ERAP1: variants seen among roughly 807,000 people sequenced by gnomAD.
ERAP1 encodes the protein adipocyte-derived leucine aminopeptidase.
In ERAP1, 86 loss-of-function variants were observed where a neutral mutation model predicts 103.7. The observed-to-expected ratio is 0.83, with a 90% CI of 0.70 to 0.99. The LOEUF (loss-of-function observed/expected upper bound fraction) is 0.99. Among genes scored for constraint, ERAP1 ranks in the 50% least tolerant of loss-of-function variants. The probability of loss-of-function intolerance (pLI) is 0.00; values close to 1 mark genes in which losing one functional copy is unlikely to be tolerated. For synonymous variants in ERAP1, 398 were observed against 402.4 expected (o/e 0.99, Z 0.13); for missense variants, 1,009 against 1,128.4 (o/e 0.89, Z 1.52).
the ERAP1 span, chr5:96,902,325 C>T: frequency 6.2e-7 from 1 of 1,611,126 alleles, no homozygotes; most frequent in East Asian, 2.2e-5. Flanking sequence ...CTAATGTGAT[C>T]CACAGACACA....
chr5:96,882,130 T>C, the ERAP1 span, among the ~76,000 whole-genome samples: 1 of 152,202 alleles, frequency 6.6e-6, no homozygotes, highest in Non-Finnish European at 1.5e-5. Context: ...TTCCCCTCAT[T>C]GCAGCCACAA....
the ERAP1 span, among the ~76,000 whole-genome samples, chr5:96,825,897 G>A: frequency 6.6e-6 from 1 of 152,076 alleles, no homozygotes; most frequent in East Asian, 1.9e-4. Flanking sequence ...ATGAAATATT[G>A]TGGTTAGCTA....
At chr5:96,882,585 A>T in the ERAP1 span, among the ~76,000 whole-genome samples, 11 of 152,358 alleles carry the variant, frequency 7.2e-5, no homozygotes, top group Admixed American at 6.5e-4. Context: ...CACACTTTGC[A>T]TGTAGAGTTC....
chr5:96,854,771 G>C, the ERAP1 span, among the ~76,000 whole-genome samples: 1 of 152,088 alleles, frequency 6.6e-6, no homozygotes, highest in African/African-American at 2.4e-5. Context: ...TTTTACCATG[G>C]AGTCATGCTT....
At chr5:96,849,121 TCTC>T in the ERAP1 span, among the ~76,000 whole-genome samples, 1 of 151,986 alleles carries the variant, frequency 6.6e-6, no homozygotes, top group Non-Finnish European at 1.5e-5. Context: ...TCAAAGAAAT[TCTC>T]CTCAACACAA....
chr5:96,767,117 C>G lies in ERAP1; in HGVS notation c.2819-3889G>C, dbSNP rs140490644. Among the ~76,000 whole-genome samples, 605 of 152,262 alleles carry G rather than the reference C, an allele frequency of 4.0e-3. 13 individuals are homozygous for G. Among genetic ancestry groups the G allele is most frequent in the South Asian group, 0.024 (118 of 4,828 alleles). ...AGCTATAGTAAATAAGATGTAAAAACACAAGTAACTTTTTATAACACTTTA... is the reference window on the plus strand; with the variant it reads ...AGCTATAGTAAATAAGATGTAAAAAGACAAGTAACTTTTTATAACACTTTA... On this transcript the variant is annotated intron_variant, in intron 19 of 19. Transcript: ENST00000296754.
chr5:96,762,728 C>T (rs1768433668), exon 20 of ERAP1: 3 of 252,856 alleles, frequency 1.2e-5, no homozygotes, highest in Non-Finnish European at 2.3e-5. Flanking sequence ...TATATTTTTT[C>T]TTATACATTC....
chr5:96,785,480 G>C (rs13185488), intron 13 of ERAP1: 5 of 388,650 alleles, frequency 1.3e-5, no homozygotes, highest in Admixed American at 1.1e-4. Context: ...GGACCATGCC[G>C]CGGGGACAAG....
Position 96,765,303 on chromosome 5 carries a change from A to C in ERAP1, c.2819-2075T>G, listed in dbSNP as rs541132407. On this transcript the variant is annotated intron_variant, in intron 19 of 19. Coordinates refer to the ERAP1 transcript ENST00000296754. ...AGGCAGCCTGACCCAGATGAGAACA[A>C]ACCAATGGAAGATAAAGTAAAGGTA... is the stretch of plus-strand genomic sequence containing the variant. The C allele has an allele frequency of 6.5e-6, 10 of 1,535,102 alleles. No homozygotes were observed. Among genetic ancestry groups the C allele is most frequent in the African/African-American group, 5.6e-5 (4 of 71,954 alleles).
At chr5:96,929,338 C>T in the ERAP1 span, among the ~76,000 whole-genome samples, 5 of 152,354 alleles carry the variant, frequency 3.3e-5, no homozygotes, top group African/African-American at 7.2e-5. Flanking sequence ...GCAGACCCGA[C>T]GGATTTGCCA....
the ERAP1 span, among the ~76,000 whole-genome samples, chr5:96,830,311 G>A: frequency 6.6e-6 from 1 of 152,186 alleles, no homozygotes; most frequent in African/African-American, 2.4e-5. Context: ...CTCTTTGGAG[G>A]AAAATAATAC....
At chr5:96,866,905 T>A in the ERAP1 span, among the ~76,000 whole-genome samples, 1 of 152,216 alleles carries the variant, frequency 6.6e-6, no homozygotes, top group Non-Finnish European at 1.5e-5. Context: ...AGCAACCAGC[T>A]ACGTTTCCTT....
At chr5:96,791,781 A>G (rs375437195) in intron 8 of ERAP1, among the ~76,000 whole-genome samples, 44 of 152,386 alleles carry the variant, frequency 2.9e-4, no homozygotes, top group African/African-American at 1.1e-3. Context: ...TTGATGCTCA[A>G]TCAATACCTA....
chr5:96,785,810 T>C lies in ERAP1; in HGVS notation c.1921A>G (p.Asn641Asp). The C allele has an allele frequency of 6.2e-7, 1 of 1,614,176 alleles. No individual in the cohort carries two copies. The highest frequency in any genetic ancestry group is 8.5e-7 in the Non-Finnish European group (1 of 1,180,004). Residue 641 changes from asparagine (N) to aspartate (D), a missense_variant, in exon 13 of 19, where the codon AAC (asparagine) becomes GAC (aspartate). By Grantham distance (23) the Asn-to-Asp change is conservative (BLOSUM62 1). Transcript: ENST00000443439. ...VSSNDRASLI[N>D]NAFQLVSIGK... ...TACCTGACGAGCTGAAATGCATTGTTAATGAGACTCGCCCGATCATTACTG... is the reference window on the plus strand; with the variant it reads ...TACCTGACGAGCTGAAATGCATTGTCAATGAGACTCGCCCGATCATTACTG...
the ERAP1 span, chr5:96,883,817 C>A: frequency 6.2e-7 from 1 of 1,610,962 alleles, no homozygotes; most frequent in Non-Finnish European, 8.5e-7. Context: ...AGATTTTGAG[C>A]CAACCCAGGC....
chr5:96,912,188 C>CA, the ERAP1 span, among the ~76,000 whole-genome samples: 3,638 of 83,824 alleles, frequency 0.043, 111 homozygotes, highest in Non-Finnish European at 0.058. Flanking sequence ...GACTCCACCT[C>CA]AAAAAAAAAA....
the ERAP1 span, among the ~76,000 whole-genome samples, chr5:96,838,071 A>C: frequency 2.0e-5 from 3 of 151,782 alleles, no homozygotes; most frequent in Non-Finnish European, 4.4e-5. Flanking sequence ...GGGGTGGGCC[A>C]TGGGTGGTTT....
intron 19 of ERAP1, chr5:96,765,257 C>G (rs759108767): frequency 6.3e-7 from 1 of 1,595,970 alleles, no homozygotes; most frequent in South Asian, 1.1e-5. Context: ...CTTGGATAAA[C>G]TCTCTGACAG....
the ERAP1 span, chr5:96,813,895 T>C: frequency 6.7e-5 from 12 of 179,196 alleles, no homozygotes; most frequent in African/African-American, 2.6e-4. Context: ...GGTATTTGTT[T>C]AGGAAGTTTT....
Sources: gnomAD v4.1 joint callset for allele counts (sites outside exome capture counted in the v4.1 genomes callset) on GRCh38, gnomAD v4.1.1 for gene constraint, MANE v1.5 for transcripts, NCBI Gene and HGNC (gene_info 2026-07-23, HGNC 2026-07-21) for gene names.